The following ARHGAP6 variants were observed in gnomAD, a reference collection of about 807,000 sequenced individuals.
ARHGAP6 encodes rho GTPase-activating protein 6.
ARHGAP6 carries 16 observed loss-of-function variants against 55.7 expected under a neutral mutation model. The ratio of observed to expected loss-of-function variants is 0.29; its 90% CI spans 0.19 to 0.44. The LOEUF is 0.44. Among genes scored for constraint, ARHGAP6 ranks in the 20% least tolerant of loss-of-function variants. The pLI, the probability that ARHGAP6 is intolerant of heterozygous loss-of-function variation, is 1.00. For synonymous variants in ARHGAP6, 382 were observed against 360.9 expected (o/e 1.06, Z -0.66); for missense variants, 698 against 808.9 (o/e 0.86, Z 1.66).
intron 10 of ARHGAP6, among the ~76,000 whole-genome samples, chrX:11,150,877 C>A (rs762174210): frequency 2.7e-5 from 3 of 112,457 alleles, no homozygotes; most frequent in East Asian, 5.6e-4. Flanking sequence ...CTAAGCATGG[C>A]TAGTCTTTTT....
intron 1 of ARHGAP6, among the ~76,000 whole-genome samples, chrX:11,346,438 G>A (rs73496986): frequency 0.058 from 6,479 of 111,405 alleles, 206 homozygotes; most frequent in African/African-American, 0.12. Context: ...ATTAACATAT[G>A]AATTTGTTCC....
intron 1 of ARHGAP6, among the ~76,000 whole-genome samples, chrX:11,520,231 A>C (rs2050904222): frequency 1.1e-5 from 1 of 91,619 alleles, no homozygotes; most frequent in Admixed American, 1.2e-4. Context: ...TTACATATGT[A>C]TACATGTGCC....
chrX:11,298,728 A>G (rs2048126454), intron 1 of ARHGAP6: 1 of 1,207,806 alleles, frequency 8.3e-7, no homozygotes. Flanking sequence ...CCAACACTCC[A>G]TGACTCCAAT....
chrX:11,226,888 T>G (rs986997857), intron 2 of ARHGAP6, among the ~76,000 whole-genome samples: 1 of 112,398 alleles, frequency 8.9e-6, no homozygotes, highest in Non-Finnish European at 1.9e-5. Context: ...ATGGTTCAGA[T>G]GTATAACAGA....
intron 1 of ARHGAP6, among the ~76,000 whole-genome samples, chrX:11,275,125 T>C (rs1465877233): frequency 1.8e-5 from 2 of 111,937 alleles, no homozygotes; most frequent in African/African-American, 6.5e-5. Context: ...ACAAACATTA[T>C]AGATTTGTCT....
chrX:11,619,789 C>G (rs1018421877), intron 1 of ARHGAP6, among the ~76,000 whole-genome samples: 1 of 111,846 alleles, frequency 8.9e-6, no homozygotes, highest in Non-Finnish European at 1.9e-5. Flanking sequence ...AAAACCAAGG[C>G]TTAACTATAA....
chrX:11,523,078 A>G (rs2050950306), intron 1 of ARHGAP6, among the ~76,000 whole-genome samples: 3 of 112,121 alleles, frequency 2.7e-5, no homozygotes, highest in Admixed American at 1.9e-4. Flanking sequence ...GGCTGGTTCA[A>G]CATACACAAA....
At chrX:11,553,390 C>T (rs971694994) in intron 1 of ARHGAP6, among the ~76,000 whole-genome samples, 4 of 110,868 alleles carry the variant, frequency 3.6e-5, no homozygotes, top group South Asian at 3.9e-4. Flanking sequence ...TACAGGCGTG[C>T]GCCACCATGC....
intron 1 of ARHGAP6, among the ~76,000 whole-genome samples, chrX:11,419,066 T>C (rs1439448351): frequency 8.9e-6 from 1 of 112,281 alleles, no homozygotes. Flanking sequence ...AGTCAGAGTA[T>C]TTACTGTTCC....
intron 1 of ARHGAP6, among the ~76,000 whole-genome samples, chrX:11,482,030 T>C (rs768238922): frequency 1.7e-4 from 19 of 112,677 alleles, no homozygotes; most frequent in African/African-American, 6.1e-4. Context: ...GAAGCTACAG[T>C]TGCAGGAGCC....
chrX:11,582,891 G>A (rs2051681988), intron 1 of ARHGAP6, among the ~76,000 whole-genome samples: 1 of 110,936 alleles, frequency 9.0e-6, no homozygotes, highest in Admixed American at 9.6e-5. Flanking sequence ...ATATTTATTT[G>A]TGAATTATAC....
intron 1 of ARHGAP6, among the ~76,000 whole-genome samples, chrX:11,520,129 TTTTA>T (rs1294089077): frequency 2.9e-5 from 1 of 34,681 alleles, no homozygotes; most frequent in Non-Finnish European, 5.5e-5. Context: ...AGAGAATTGA[TTTTA>T]TATATATATA....
chrX:11,426,978 C>G (rs1357881440), intron 1 of ARHGAP6, among the ~76,000 whole-genome samples: 1 of 109,720 alleles, frequency 9.1e-6, no homozygotes, highest in African/African-American at 3.3e-5. Flanking sequence ...ACAGAAGAGC[C>G]CCTGGTATTC....
chrX:11,220,268 A>G (rs1248086971), intron 2 of ARHGAP6, among the ~76,000 whole-genome samples: 1 of 111,451 alleles, frequency 9.0e-6, no homozygotes, highest in African/African-American at 3.3e-5. Context: ...TGGTACCAGT[A>G]CCATGCTGTT....
intron 1 of ARHGAP6, among the ~76,000 whole-genome samples, chrX:11,503,707 T>C (rs2050702980): frequency 9.0e-6 from 1 of 111,603 alleles, no homozygotes; most frequent in Admixed American, 9.6e-5. Context: ...TCTTTATTCA[T>C]TTGATCACAA....
At chrX:11,174,548 T>G (rs2046144139) in intron 8 of ARHGAP6, among the ~76,000 whole-genome samples, 1 of 79,390 alleles carries the variant, frequency 1.3e-5, no homozygotes, top group Non-Finnish European at 2.5e-5. Context: ...CTTCCTTCCT[T>G]CCTTCCTTCC....
intron 1 of ARHGAP6, among the ~76,000 whole-genome samples, chrX:11,544,658 A>G (rs1178097661): frequency 1.8e-5 from 2 of 111,947 alleles, no homozygotes; most frequent in African/African-American, 3.2e-5. Context: ...CAATCTCAGT[A>G]TCATCAGTTC....
At chrX:11,491,671 C>T (rs1191807115) in intron 1 of ARHGAP6, among the ~76,000 whole-genome samples, 2 of 111,769 alleles carry the variant, frequency 1.8e-5, no homozygotes, top group Non-Finnish European at 3.8e-5. Context: ...CTGCAATAAA[C>T]ATATGTGTGC....
At position 11,139,069 on chromosome X, in the gene ARHGAP6, G is replaced by C. The variant is rs199981819; in HGVS notation, c.2719C>G (p.Pro907Ala). The change falls in exon 13 of 13, where the codon CCC (proline) becomes GCC (alanine). Residue 907 changes from proline (P) to alanine (A), a missense_variant. Physicochemically the swap from Pro to Ala is conservative, Grantham distance 27. Transcript: ENST00000337414. ...IQGPPEGVET[P>A]TDQGGQAAER... ...GCTGCTTGGCCTCCCTGGTCCGTGG[G>C]TGTCTCCACGCCTTCCGGGGGCCCC... 5.5e-4 allele frequency: 667 copies of C among 1,203,402 alleles called. 2 individuals are homozygous for C. In the Admixed American group the frequency reaches 9.5e-3, roughly 17 times the overall value.
Sources: allele counts gnomAD v4.1 joint callset (sites outside exome capture counted in the v4.1 genomes callset), GRCh38; gene constraint gnomAD v4.1.1; transcripts MANE v1.5; gene names NCBI Gene and HGNC (gene_info 2026-07-23, HGNC 2026-07-21).